The following ZNF521 variants were observed in gnomAD, a reference collection of about 807,000 sequenced individuals.
ZNF521 encodes the protein zinc finger protein 521, also known as LYST-interacting protein 3.
In ZNF521, 14 loss-of-function variants were observed where a neutral mutation model predicts 105.5. The observed-to-expected ratio is 0.13, with a 90% CI of 0.09 to 0.21. The LOEUF is 0.21. Ranked by LOEUF, ZNF521 falls within the 10% of genes least tolerant of loss-of-function variation. The pLI is 1.00. For synonymous variants in ZNF521, 635 were observed against 606.0 expected (o/e 1.05, Z -0.70); for missense variants, 1,233 against 1,629.7 (o/e 0.76, Z 4.19).
chr18:25,265,874 T>C (rs1002205840), intron 3 of ZNF521, among the ~76,000 whole-genome samples: 3 of 152,200 alleles, frequency 2.0e-5, no homozygotes, highest in African/African-American at 7.2e-5. Context: ...AATAAGATCC[T>C]GTCGTTTGCA....
intron 3 of ZNF521, among the ~76,000 whole-genome samples, chr18:25,256,875 G>A (rs1274070916): frequency 1.3e-5 from 2 of 152,026 alleles, no homozygotes; most frequent in African/African-American, 4.8e-5. Flanking sequence ...AAGGACAGGT[G>A]GTTAAATGGT....
chr18:25,071,969 C>CCAGAGGGCAGAAGGCAGGGGG (rs2033236152), intron 7 of ZNF521, among the ~76,000 whole-genome samples: 1 of 152,142 alleles, frequency 6.6e-6, no homozygotes, highest in Admixed American at 6.5e-5. Flanking sequence ...AAGCTGAGAA[C>CCAGAGGGCAGAAGGCAGGGGG]CAGAGGGCAG....
chr18:25,343,016 A>C (rs1914292141), intron 2 of ZNF521, among the ~76,000 whole-genome samples: 1 of 152,232 alleles, frequency 6.6e-6, no homozygotes. Flanking sequence ...CAGGTCACAG[A>C]AACTCCTATA....
chr18:25,223,690 AG>A (rs1905890830), intron 4 of ZNF521, among the ~76,000 whole-genome samples: 1 of 151,752 alleles, frequency 6.6e-6, no homozygotes, highest in Non-Finnish European at 1.5e-5. Flanking sequence ...GAAACTAAGG[AG>A]AAAAAAAAAA....
intron 4 of ZNF521, among the ~76,000 whole-genome samples, chr18:25,203,010 A>G (rs1381802608): frequency 1.3e-5 from 2 of 152,202 alleles, no homozygotes; most frequent in Non-Finnish European, 2.9e-5. Context: ...AATCCATGTA[A>G]CACTTTACAT....
At chr18:25,150,646 T>C (rs1448711570) in intron 5 of ZNF521, among the ~76,000 whole-genome samples, 2 of 152,180 alleles carry the variant, frequency 1.3e-5, no homozygotes, top group Non-Finnish European at 2.9e-5. Context: ...TGTGGACTAG[T>C]GAATGGAAAT....
At chr18:25,088,737 A>G (rs1045205810) in intron 7 of ZNF521, among the ~76,000 whole-genome samples, 5 of 151,924 alleles carry the variant, frequency 3.3e-5, no homozygotes, top group East Asian at 1.9e-4. Context: ...TTTTTAAACT[A>G]CCAGTCTATA....
chr18:25,311,636 T>C (rs1366021045), intron 3 of ZNF521, among the ~76,000 whole-genome samples: 1 of 152,174 alleles, frequency 6.6e-6, no homozygotes, highest in Non-Finnish European at 1.5e-5. Context: ...ATAATTTTTA[T>C]ACTTCTCCAC....
rs1052438221 is a variant in ZNF521, at chr18:25,309,216, G to A, written c.220+12792C>T. 3.3e-5 allele frequency among the ~76,000 whole-genome samples: 5 copies of A among 152,198 alleles called. No individual in the cohort carries two copies. In the South Asian group the frequency reaches 1.0e-3, roughly 32 times the overall value. On this transcript the variant is annotated intron_variant, in intron 3 of 7. Coordinates refer to ENST00000361524, the MANE Select transcript of ZNF521 (RefSeq NM_015461.3). ...AATCTGCTTCATAACCATCGCTTCA[G>A]TCCAAGTGACAAAATAGTATCAATA...
intron 2 of ZNF521, among the ~76,000 whole-genome samples, chr18:25,350,111 G>C (rs1355690910): frequency 6.6e-6 from 1 of 151,984 alleles, no homozygotes; most frequent in African/African-American, 2.4e-5. Flanking sequence ...ATAACTTCAG[G>C]GACCCCCGCC....
chr18:25,179,354 T>C (rs2035591581), intron 5 of ZNF521, among the ~76,000 whole-genome samples: 1 of 151,982 alleles, frequency 6.6e-6, no homozygotes, highest in Non-Finnish European at 1.5e-5. Context: ...TTCGCTCTTA[T>C]GCCTTATACT....
At chr18:25,195,366 C>A in intron 4 of ZNF521, 122 bp from the exon 5 acceptor site, 1 of 743,758 alleles carries the variant, frequency 1.3e-6, no homozygotes, top group Admixed American at 3.4e-5. Flanking sequence ...AACTAAACTA[C>A]AGGGCCCCTT....
intron 2 of ZNF521, among the ~76,000 whole-genome samples, chr18:25,338,865 T>C (rs931563439): frequency 4.6e-5 from 7 of 152,214 alleles, no homozygotes; most frequent in Non-Finnish European, 7.3e-5. Flanking sequence ...TTTTCCTAAA[T>C]AGCTAAGACA....
At chr18:25,284,568 A>G (rs1162822571) in intron 3 of ZNF521, among the ~76,000 whole-genome samples, 1 of 152,236 alleles carries the variant, frequency 6.6e-6, no homozygotes, top group Non-Finnish European at 1.5e-5. Context: ...GAGGAAAATT[A>G]AAAAGAGAGG....
In ZNF521 at chr18:25,280,818, T is replaced by A. The variant is rs555639097; in HGVS notation, c.220+41190A>T. On this transcript the variant is annotated intron_variant, in intron 3 of 7. Coordinates refer to ENST00000361524, the MANE Select transcript of ZNF521 (RefSeq NM_015461.3). Reference sequence around the variant, plus strand: ...TTTCCCAGCCTTCTAGGAATATATTTGTTTTAAATGTATTCACATCAAAGA... The same window carrying A: ...TTTCCCAGCCTTCTAGGAATATATTAGTTTTAAATGTATTCACATCAAAGA... Among the ~76,000 whole-genome samples the A allele has an allele frequency of 2.0e-5, 3 of 152,332 alleles. No homozygotes were observed. The Middle Eastern group carries it at 0.01, about 518-fold the overall frequency.
At chr18:25,176,206 A>G (rs1343824578) in intron 5 of ZNF521, among the ~76,000 whole-genome samples, 1 of 152,212 alleles carries the variant, frequency 6.6e-6, no homozygotes, top group Non-Finnish European at 1.5e-5. Context: ...AATTAGAGCC[A>G]CAATAAACCC....
chr18:25,202,612 A>G (rs1391973423), intron 4 of ZNF521: 3 of 152,340 alleles, frequency 2.0e-5, no homozygotes, highest in Middle Eastern at 3.4e-3. Context: ...CAAGGACTAT[A>G]GCAATATACA....
chr18:25,351,714 A>G (rs1324102609), intron 1 of ZNF521: 1 of 154,270 alleles, frequency 6.5e-6, no homozygotes, highest in African/African-American at 2.4e-5. Flanking sequence ...TTTCAAAAAG[A>G]AAAAGCCAAA....
At chr18:25,191,573 C>A (rs1162642453) in intron 5 of ZNF521, among the ~76,000 whole-genome samples, 4 of 152,170 alleles carry the variant, frequency 2.6e-5, no homozygotes, top group Admixed American at 1.3e-4. Context: ...CCATAGTGAT[C>A]GAAATTTCTT....
Sources: allele counts gnomAD v4.1 joint callset (sites outside exome capture counted in the v4.1 genomes callset), GRCh38; gene constraint gnomAD v4.1.1; transcripts MANE v1.5; gene names NCBI Gene and HGNC (gene_info 2026-07-23, HGNC 2026-07-21).